The following ARID1A variants were observed in gnomAD, a reference collection of about 807,000 sequenced individuals.
The protein encoded by ARID1A is AT-rich interactive domain-containing protein 1A.
ARID1A carries 20 observed loss-of-function variants against 212.6 expected under a neutral mutation model. The observed-to-expected ratio is 0.09, with a 90% CI of 0.07 to 0.14. ARID1A has a LOEUF of 0.14. Ranked by LOEUF, ARID1A falls within the 10% of genes least tolerant of loss-of-function variation. ARID1A has a pLI of 1.00. For missense variants in ARID1A, 2,587 were observed against 3,059.0 expected (o/e 0.85, Z 3.64); for synonymous variants, 1,376 against 1,222.1 (o/e 1.13, Z -2.63).
intron 4 of ARID1A, among the ~76,000 whole-genome samples, chr1:26,749,923 AGG>A: frequency 6.6e-6 from 1 of 152,370 alleles, no homozygotes; most frequent in Non-Finnish European, 1.5e-5. Flanking sequence ...ATAGAGATTA[AGG>A]GAAAGAAAGA....
chr1:26,696,341 G>C lies in ARID1A; in HGVS notation c.-63G>C. On this transcript the variant is annotated 5_prime_UTR_variant, in exon 1 of 20. Transcript: ENST00000324856. ...CCGGGGGACTGGGCCCCGGGGCGGGGTGGGAGGGGGGGAGAAGACGAAGAC... is the reference window on the plus strand; with the variant it reads ...CCGGGGGACTGGGCCCCGGGGCGGGCTGGGAGGGGGGGAGAAGACGAAGAC... The C allele has an allele frequency of 2.5e-6, 3 of 1,207,804 alleles. No individual in the cohort carries two copies. Among genetic ancestry groups the C allele is most frequent in the Non-Finnish European group, 3.1e-6 (3 of 972,296 alleles). The allele number at this position is 1,207,804 out of a possible 1,614,324, so 74.8% of individuals were successfully genotyped here.
intron 4 of ARID1A, among the ~76,000 whole-genome samples, chr1:26,756,945 G>A (rs918543072): frequency 6.6e-6 from 1 of 152,050 alleles, no homozygotes; most frequent in South Asian, 2.1e-4. Flanking sequence ...CTTGTGATCC[G>A]CCCGCCTCAG....
chr1:26,766,048 ATAAAT>A (rs1025020926), intron 8 of ARID1A, among the ~76,000 whole-genome samples, 168 bp from the exon 9 acceptor site: 5 of 152,126 alleles, frequency 3.3e-5, no homozygotes, highest in South Asian at 2.1e-4. Context: ...TCTCAAGAAA[ATAAAT>A]TAAAGAAAAA....
chr1:26,713,061 T>G (rs568652773), intron 1 of ARID1A, among the ~76,000 whole-genome samples: 1 of 152,386 alleles, frequency 6.6e-6, no homozygotes, highest in East Asian at 1.9e-4. Flanking sequence ...GGCAGTGGTT[T>G]CCAGGAGGAG....
At position 26,696,772 on chromosome 1, in the gene ARID1A, CGGCGGT is replaced by C. The variant is rs1372477261; in HGVS notation, c.375_380del (p.Gly126_Gly127del). ...ATAACCTCACGGAGCCGCCCGGCGG[CGGCGGT>C]GGCGGCAGCAGCGATGGGGTGGGGG... On this transcript the variant is annotated inframe_deletion, in exon 1 of 20. Transcript: ENST00000324856. 6.0e-6 allele frequency: 8 copies of C among 1,342,572 alleles called. No individual in the cohort carries two copies. The highest frequency in any genetic ancestry group is 7.6e-6 in the Non-Finnish European group (8 of 1,051,870). 83.2% of individuals were successfully genotyped at this position (1,342,572 alleles called of 1,614,324 possible).
At chr1:26,730,184 A>G (rs2080660009) in intron 2 of ARID1A, among the ~76,000 whole-genome samples, 1 of 152,232 alleles carries the variant, frequency 6.6e-6, no homozygotes, top group African/African-American at 2.4e-5. Flanking sequence ...AGGCACTGCT[A>G]CTATTAGGAA....
rs2124149616 is a variant in ARID1A at position 26,780,386 on chromosome 1, G to C, written c.6488G>C (p.Cys2163Ser). The C allele has an allele frequency of 1.2e-6, 2 of 1,614,252 alleles. No homozygotes were observed. Among genetic ancestry groups the C allele is most frequent in the Non-Finnish European group, 1.7e-6 (2 of 1,180,038 alleles). The part of the protein sequence containing the change: ...RFLSDRKNPV[C>S]REMAVVLLAN... ...CTCAGTGACCGAAAGAACCCGGTGT[G>C]CCGGGAGATGGCTGTGGTACTGCTG... is the stretch of plus-strand genomic sequence containing the variant. The change falls in exon 20 of 20, where the codon TGC becomes TCC. Residue 2163 changes from cysteine (C) to serine (S), a missense_variant. Cys to Ser is a moderately radical substitution (Grantham distance 112). Around this residue, in one of 11 missense-constraint regions of ARID1A, gnomAD observed 168 missense variants for 321.0 expected, o/e 0.52. Transcript: ENST00000324856. The surrounding 1 kb of genome is among the most constrained non-coding windows in gnomAD (Gnocchi z 7.2).
intron 19 of ARID1A, chr1:26,775,989 G>T (rs1246526337): frequency 7.5e-6 from 4 of 534,162 alleles, no homozygotes; most frequent in Non-Finnish European, 1.4e-5. Flanking sequence ...TGCCAGTGGG[G>T]ACACCACATT....
chr1:26,761,155 A>G (rs1374184475), intron 5 of ARID1A, 59 bp downstream of exon 5: 2 of 1,591,284 alleles, frequency 1.3e-6, no homozygotes, highest in South Asian at 2.3e-5. Flanking sequence ...AGTAATATTA[A>G]GGAGCCCTAG....
intron 1 of ARID1A, chr1:26,729,379 T>A: frequency 2.2e-6 from 1 of 460,192 alleles, no homozygotes; most frequent in Non-Finnish European, 4.0e-6. Context: ...GGCCTGTCCC[T>A]TGGATCTCAA....
intron 6 of ARID1A, among the ~76,000 whole-genome samples, chr1:26,761,680 C>T (rs1244491420): frequency 6.6e-6 from 1 of 152,152 alleles, no homozygotes; most frequent in African/African-American, 2.4e-5. Flanking sequence ...GTATAGTGAT[C>T]AGATCAGGGT....
In ARID1A at chr1:26,696,654, G is replaced by A; in HGVS notation, c.251G>A (p.Gly84Asp). 1 of 1,314,044 alleles carries A rather than the reference G, an allele frequency of 7.6e-7. No individual in the cohort carries two copies. The highest frequency in any genetic ancestry group is 9.7e-7 in the Non-Finnish European group (1 of 1,035,520). 81.4% of individuals were successfully genotyped at this position (1,314,044 alleles called of 1,614,324 possible). ...QDGAESNGGG[G>D]GGGAGSGGGP... is the part of the protein sequence containing the mutation. ...GGGGCCGAGAGCAATGGGGGTGGCG[G>A]CGGCGGCGGAGCCGGCAGCGGCGGC... The change falls in exon 1 of 20, where the codon GGC becomes GAC. Residue 84 changes from glycine (G) to aspartate (D), a missense_variant. Transcript: ENST00000324856.
chr1:26,747,882 G>A (rs1215982224), intron 4 of ARID1A, among the ~76,000 whole-genome samples: 8 of 152,202 alleles, frequency 5.3e-5, no homozygotes, highest in African/African-American at 1.9e-4. Context: ...TCAATGTTCA[G>A]AGGAACCATT....
intron 4 of ARID1A, among the ~76,000 whole-genome samples, chr1:26,754,295 T>C (rs986048502): frequency 9.2e-5 from 14 of 152,212 alleles, no homozygotes; most frequent in Non-Finnish European, 1.6e-4. Flanking sequence ...GAGCAATATC[T>C]GTTCATGTAG....
intron 1 of ARID1A, among the ~76,000 whole-genome samples, chr1:26,721,779 G>C (rs935014179): frequency 1.3e-5 from 2 of 152,154 alleles, no homozygotes; most frequent in African/African-American, 2.4e-5. Flanking sequence ...TTTATTTGAA[G>C]GGCCCTTTCT....
In ARID1A at chr1:26,731,313, A is replaced by G. The variant is rs61749357; in HGVS notation, c.1512A>G (p.Pro504=). 2.5e-6 allele frequency: 4 copies of G among 1,613,376 alleles called. No individual in the cohort carries two copies. Among genetic ancestry groups the G allele is most frequent in the Middle Eastern group, 1.6e-4 (1 of 6,084 alleles). ...CCCAACCTTCGTATCAGCAGCAGCC[A>G]CAGTCTCAACCACCACAGCTCCAGT... The part of the protein sequence containing the change: ...PHAQPSYQQQ[P]QSQPPQLQSS... Residue 504 remains proline (P), a synonymous_variant, in exon 3 of 20, where the codon CCA becomes CCG. Coordinates refer to ENST00000324856, the MANE Select transcript of ARID1A (RefSeq NM_006015.6).
intron 4 of ARID1A, among the ~76,000 whole-genome samples, chr1:26,760,516 C>T (rs1295941356): frequency 3.3e-5 from 5 of 152,006 alleles, no homozygotes; most frequent in Non-Finnish European, 2.9e-5. Context: ...GGAGAAAACC[C>T]GTCTCTACTA....
rs201172639 is a variant in ARID1A, at chr1:26,774,398, G to A, written c.4171G>A (p.Val1391Met). The stretch of plus-strand genomic sequence containing the variant: ...GCGGCACGAAGGGGAGATGTACAGC[G>A]TGCCATACAGCACTGGGCAGGGGCA... ...AKRHEGEMYS[V>M]PYSTGQGQPQ... The change falls in exon 18 of 20, where the codon GTG (valine) becomes ATG (methionine). Residue 1391 changes from valine to methionine, a missense_variant. Val to Met is a conservative substitution (Grantham distance 21). This residue lies in a region of ARID1A where 890 missense variants were observed against 1,098.2 expected (regional missense o/e 0.81). Coordinates refer to ENST00000324856, the MANE Select transcript of ARID1A (RefSeq NM_006015.6). This position sits in a 1 kb window ranked among gnomAD's most constrained non-coding sequence, Gnocchi z 5.6. 1.5e-5 allele frequency: 24 copies of A among 1,603,170 alleles called. No individual in the cohort carries two copies. The highest frequency in any genetic ancestry group is 6.8e-5 in the Admixed American group (4 of 58,840).
intron 1 of ARID1A, chr1:26,727,807 A>G (rs1430125552): frequency 6.6e-6 from 1 of 152,262 alleles, no homozygotes; most frequent in Non-Finnish European, 1.5e-5. Flanking sequence ...TGGAGGCCAC[A>G]TGGACAGCAG....
Sources: gnomAD v4.1 joint callset for allele counts (sites outside exome capture counted in the v4.1 genomes callset) on GRCh38, gnomAD v4.1.1 for gene constraint, gnomAD v4.1.1 regional missense constraint, Gnocchi (gnomAD v3.1) non-coding constraint, MANE v1.5 for transcripts, NCBI Gene and HGNC (gene_info 2026-07-23, HGNC 2026-07-21) for gene names.